Variants in LMNB1 observed in about 807,000 individuals in gnomAD.
The protein encoded by LMNB1 is lamin B1, also known as lamin-B1.
In LMNB1, 23 loss-of-function variants were observed where a neutral mutation model predicts 67.1. The ratio of observed to expected loss-of-function variants is 0.34; its 90% confidence interval spans 0.25 to 0.49. LMNB1 has a LOEUF of 0.49. LMNB1 is among the 20% of genes least tolerant of loss of function. The probability of loss-of-function intolerance (pLI) is 0.99; values close to 1 mark genes in which losing one functional copy is unlikely to be tolerated. For synonymous variants in LMNB1, 281 were observed against 282.9 expected (o/e 0.99, Z 0.07); for missense variants, 634 against 746.5 (o/e 0.85, Z 1.76).
At chr5:126,812,394 A>G (rs1561747851) in intron 5 of LMNB1, among the ~76,000 whole-genome samples, 1 of 152,246 alleles carries the variant, frequency 6.6e-6, no homozygotes, top group Admixed American at 6.5e-5. Flanking sequence ...GCATATTCCG[A>G]TAAGAATTTA....
rs574107488 is a variant in LMNB1 at position 126,778,460 on chromosome 5, C to A, written c.359+593C>A. ...GGCGCGCTCAGTCTTGGCCCTGTGA[C>A]GTTTTGCGAAGATTCTACGCCTGCT... is the stretch of plus-strand genomic sequence containing the variant. On this transcript the variant is annotated intron_variant, in intron 1 of 10. Transcript: ENST00000261366. Among the ~76,000 whole-genome samples, 4 of 152,294 alleles carry A rather than the reference C, an allele frequency of 2.6e-5. No individual in the cohort carries two copies. In the South Asian group the frequency reaches 8.3e-4, roughly 32 times the overall value.
intron 1 of LMNB1, among the ~76,000 whole-genome samples, chr5:126,803,468 G>A (rs1419929600): frequency 6.6e-6 from 1 of 151,954 alleles, no homozygotes; most frequent in Non-Finnish European, 1.5e-5. Flanking sequence ...GGCAGGTCTT[G>A]AACTCCCAAC....
At chr5:126,809,150 C>T (rs1416938723) in intron 3 of LMNB1, among the ~76,000 whole-genome samples, 1 of 152,222 alleles carries the variant, frequency 6.6e-6, no homozygotes, top group African/African-American at 2.4e-5. Flanking sequence ...GCTAGGATTA[C>T]AGGCGTGAGC....
chr5:126,835,798 G>A (rs768189158), intron 10 of LMNB1, among the ~76,000 whole-genome samples: 2 of 152,134 alleles, frequency 1.3e-5, no homozygotes, highest in African/African-American at 2.4e-5. Context: ...CATAAAAGAA[G>A]GTTAGAGGCC....
intron 1 of LMNB1, among the ~76,000 whole-genome samples, chr5:126,782,794 C>T (rs1222580891): frequency 2.0e-5 from 3 of 151,982 alleles, no homozygotes. Context: ...GTGATCTGCC[C>T]GCCTCTGCCT....
chr5:126,794,051 C>T (rs148214724), intron 1 of LMNB1, among the ~76,000 whole-genome samples: 11 of 152,064 alleles, frequency 7.2e-5, no homozygotes, highest in African/African-American at 2.4e-4. Flanking sequence ...TCTCCTGCCT[C>T]AGCCTCTTGA....
chr5:126,819,298 A>G, intron 6 of LMNB1, 156 bp downstream of exon 6: 1 of 556,788 alleles, frequency 1.8e-6, no homozygotes, highest in Non-Finnish European at 3.2e-6. Context: ...TCATATTTCT[A>G]CCTCATCGCA....
intron 4 of LMNB1, 159 bp from the exon 5 acceptor site, chr5:126,811,614 C>T: frequency 3.8e-6 from 2 of 526,064 alleles, no homozygotes; most frequent in South Asian, 3.0e-5. Context: ...ACAGAATTAC[C>T]ATCATTCACA....
At chr5:126,821,903 A>C (rs181092940) in intron 7 of LMNB1, among the ~76,000 whole-genome samples, 2 of 152,354 alleles carry the variant, frequency 1.3e-5, no homozygotes, top group East Asian at 3.9e-4. Flanking sequence ...CACAGTTATT[A>C]AAACTATCTT....
chr5:126,798,381 C>T (rs999685353), intron 1 of LMNB1, among the ~76,000 whole-genome samples: 9 of 151,082 alleles, frequency 6.0e-5, no homozygotes, highest in African/African-American at 1.2e-4. Context: ...ACCCAGGAGG[C>T]GGAGCTTGCA....
At chr5:126,819,839 G>C (rs1751816106) in intron 6 of LMNB1, among the ~76,000 whole-genome samples, 1 of 152,058 alleles carries the variant, frequency 6.6e-6, no homozygotes, top group Non-Finnish European at 1.5e-5. Context: ...TTTGACACCT[G>C]TTCTCAGAAA....
At chr5:126,828,241 T>C (rs1752045082) in intron 9 of LMNB1, among the ~76,000 whole-genome samples, 1 of 152,120 alleles carries the variant, frequency 6.6e-6, no homozygotes, top group Non-Finnish European at 1.5e-5. Flanking sequence ...AAAAGCACTG[T>C]TATAAGGGGT....
In LMNB1 at chr5:126,777,474, G is replaced by A. The variant is rs1750489031; in HGVS notation, c.-35G>A. Reference sequence around the variant, plus strand: ...TCCCCTCCTTATCACGGTCCCGCTCGCGGCCTCGCCGCCCCGCTGTCTCCG... The same window carrying A: ...TCCCCTCCTTATCACGGTCCCGCTCACGGCCTCGCCGCCCCGCTGTCTCCG... On this transcript the variant is annotated 5_prime_UTR_variant, in exon 1 of 11. Transcript: ENST00000261366. 7.7e-7 allele frequency: 1 copy of A among 1,298,440 alleles called. No homozygotes were observed. Among genetic ancestry groups the A allele is most frequent in the Non-Finnish European group, 9.7e-7 (1 of 1,027,112 alleles). 80.4% of individuals were successfully genotyped at this position (1,298,440 alleles called of 1,614,324 possible). A position where few individuals can be genotyped will look rare whatever the true frequency, so the allele number is the denominator to read the frequency against.
intron 6 of LMNB1, 130 bp downstream of exon 6, chr5:126,819,272 T>C (rs1751801602): frequency 3.2e-6 from 2 of 620,816 alleles, no homozygotes; most frequent in African/African-American, 3.7e-5. Context: ...CACCTAGGTA[T>C]AGAAGTAGTA....
chr5:126,790,347 C>CCACCTA, intron 1 of LMNB1, among the ~76,000 whole-genome samples: 2 of 152,184 alleles, frequency 1.3e-5, no homozygotes, highest in African/African-American at 4.8e-5. Context: ...CTCAGGTGAT[C>CCACCTA]TGCCTGCCTC....
intron 10 of LMNB1, among the ~76,000 whole-genome samples, chr5:126,834,491 G>A (rs77931513): frequency 0.017 from 2,651 of 152,282 alleles, 91 homozygotes; most frequent in African/African-American, 0.061. Flanking sequence ...AAAGTCATGA[G>A]GCCAGTCCAG....
intron 6 of LMNB1, 77 bp from the exon 7 acceptor site, chr5:126,820,833 T>G: frequency 1.2e-5 from 13 of 1,117,814 alleles, no homozygotes; most frequent in Non-Finnish European, 1.5e-5. Flanking sequence ...CAGCCCTTGT[T>G]TTTTTGTTTT....
Position 126,777,452 on chromosome 5 carries a change from C to A in LMNB1, c.-57C>A. On this transcript the variant is annotated 5_prime_UTR_variant, in exon 1 of 11. Transcript: ENST00000261366. ...GTCCCCGCTTCGCCCCCTGCCGTCC[C>A]CTCCTTATCACGGTCCCGCTCGCGG... 1.6e-6 allele frequency: 2 copies of A among 1,278,712 alleles called. No individual in the cohort carries two copies. Among genetic ancestry groups the A allele is most frequent in the South Asian group, 2.8e-5 (1 of 35,272 alleles). The allele number at this position is 1,278,712 out of a possible 1,614,324, so 79.2% of individuals were successfully genotyped here.
At position 126,795,995 on chromosome 5, in the gene LMNB1, C is replaced by T. The variant is rs577377572; in HGVS notation, c.360-8781C>T. Among the ~76,000 whole-genome samples, 5 of 122,184 alleles carry T rather than the reference C, an allele frequency of 4.1e-5. No individual in the cohort carries two copies. In the South Asian group the frequency reaches 1.4e-3, roughly 35 times the overall value. 80.2% of individuals were successfully genotyped at this position (122,184 alleles called of 152,430 possible). On this transcript the variant is annotated intron_variant, in intron 1 of 10. Transcript: ENST00000261366. ...TTGCCCAGGTGGGAGTGCAATGGTG[C>T]GATCTTGGCTCACTGCAACCTCCGC...
Sources: gnomAD v4.1 joint callset for allele counts (sites outside exome capture counted in the v4.1 genomes callset) on GRCh38, gnomAD v4.1.1 for gene constraint, MANE v1.5 for transcripts, NCBI Gene and HGNC (gene_info 2026-07-23, HGNC 2026-07-21) for gene names.